Variants in PPARG observed in about 807,000 individuals in gnomAD.
The protein encoded by PPARG is peroxisome proliferator activated receptor gamma, also known as peroxisome proliferator-activated receptor gamma.
In PPARG, 17 loss-of-function variants were observed where a neutral mutation model predicts 39.2. That is an observed-to-expected ratio of 0.43 (90% CI 0.30 to 0.65). The LOEUF is 0.65. Among genes scored for constraint, PPARG ranks in the 30% least tolerant of loss-of-function variants. The pLI, the probability that PPARG is intolerant of heterozygous loss-of-function variation, is 0.13. For missense variants in PPARG, 406 were observed against 585.9 expected, an observed-to-expected ratio of 0.69 and a Z score of 3.17; for synonymous variants, 223 against 215.7, an observed-to-expected ratio of 1.03 and a Z score of -0.30.
intron 2 of PPARG, 144 bp from the exon 3 acceptor site, chr3:12,379,560 G>A: frequency 1.4e-6 from 1 of 724,826 alleles, no homozygotes; most frequent in Non-Finnish European, 2.4e-6. Context: ...GCACTAAGAA[G>A]GTGGTTATGT....
chr3:12,404,148 C>T (rs931480185), intron 5 of PPARG, among the ~76,000 whole-genome samples: 1 of 152,036 alleles, frequency 6.6e-6, no homozygotes, highest in Non-Finnish European at 1.5e-5. Context: ...TGACCAAAAC[C>T]TCCTAGTTTA....
At chr3:12,292,317 T>C (rs908343971) in intron 1 of PPARG, among the ~76,000 whole-genome samples, 4 of 152,202 alleles carry the variant, frequency 2.6e-5, no homozygotes, top group Non-Finnish European at 4.4e-5. Flanking sequence ...TGCGCTTTGA[T>C]TTGATAAAGC....
chr3:12,296,669 C>G (rs187389977), intron 1 of PPARG, among the ~76,000 whole-genome samples: 199 of 152,292 alleles, frequency 1.3e-3, no homozygotes, highest in African/African-American at 3.4e-3. Context: ...AAGCTTTTGT[C>G]AAGAGGCTAG....
At chr3:12,364,609 GTTT>G (rs1376333068) in intron 2 of PPARG, among the ~76,000 whole-genome samples, 5 of 152,184 alleles carry the variant, frequency 3.3e-5, no homozygotes, top group Admixed American at 3.3e-4. Flanking sequence ...AATATGTTTA[GTTT>G]TATAAGAAAT....
intron 1 of PPARG, among the ~76,000 whole-genome samples, chr3:12,306,987 A>G (rs2047085933): frequency 6.6e-6 from 1 of 151,158 alleles, no homozygotes; most frequent in African/African-American, 2.4e-5. Flanking sequence ...AGTCCCAGCC[A>G]TTAGGGAGGC....
At chr3:12,385,391 G>T (rs775367428) in intron 4 of PPARG, among the ~76,000 whole-genome samples, 5 of 152,168 alleles carry the variant, frequency 3.3e-5, no homozygotes, top group Non-Finnish European at 5.9e-5. Flanking sequence ...AGATGAGAAT[G>T]AGTAGATTGG....
intron 1 of PPARG, chr3:12,297,897 A>G (rs960139240): frequency 6.6e-6 from 1 of 152,164 alleles, no homozygotes; most frequent in African/African-American, 2.4e-5. Flanking sequence ...CTGCTGACAG[A>G]ATGTTGCACT....
chr3:12,403,859 G>A (rs1482164062), intron 5 of PPARG, among the ~76,000 whole-genome samples: 4 of 152,144 alleles, frequency 2.6e-5, no homozygotes, highest in Admixed American at 1.3e-4. Context: ...CAGTAGACAA[G>A]GACTTAATAT....
chr3:12,359,707 C>T (rs2048778324), intron 2 of PPARG, among the ~76,000 whole-genome samples: 1 of 139,052 alleles, frequency 7.2e-6, no homozygotes, highest in African/African-American at 2.8e-5. Context: ...CAGAGTCTCA[C>T]TCTGTCACCC....
intron 4 of PPARG, among the ~76,000 whole-genome samples, chr3:12,381,916 GTTTATTTA>G (rs796113249): frequency 6.6e-6 from 1 of 151,932 alleles, no homozygotes; most frequent in African/African-American, 2.4e-5. Flanking sequence ...TTCTCTAGTT[GTTTATTTA>G]TTTATTTATT....
At chr3:12,310,099 T>C (rs570627630) in intron 1 of PPARG, among the ~76,000 whole-genome samples, 57 of 152,260 alleles carry the variant, frequency 3.7e-4, no homozygotes, top group African/African-American at 1.3e-3. Flanking sequence ...CCTTCTAAGA[T>C]ACAGTGCAGT....
chr3:12,418,957 T>G (rs2051169392), intron 7 of PPARG, among the ~76,000 whole-genome samples: 1 of 152,196 alleles, frequency 6.6e-6, no homozygotes. Flanking sequence ...TGTTTTTTTG[T>G]TTTTGAGGCG....
At position 12,393,678 on chromosome 3, in the gene PPARG, C is replaced by G. The variant is rs139715580; in HGVS notation, c.529+926C>G. Among the ~76,000 whole-genome samples, 1,021 of 151,958 alleles carry G rather than the reference C, an allele frequency of 6.7e-3. 14 individuals are homozygous for G. Among genetic ancestry groups the G allele is most frequent in the Middle Eastern group, 0.065 (19 of 294 alleles). ...TTGAAGTTTCATTTCATCAGCTATC[C>G]TATTTTTTCTTTCTTTTGTTTTCAT... On this transcript the variant is annotated intron_variant, in intron 5 of 7. Transcript: ENST00000651735.
At chr3:12,423,401 T>C (rs578124728) in intron 7 of PPARG, among the ~76,000 whole-genome samples, 2 of 152,286 alleles carry the variant, frequency 1.3e-5, no homozygotes, top group African/African-American at 4.8e-5. Context: ...AGCACCGGGT[T>C]TGGGAGTATT....
chr3:12,367,490 T>C (rs1300188653), intron 2 of PPARG, among the ~76,000 whole-genome samples: 1 of 152,072 alleles, frequency 6.6e-6, no homozygotes, highest in East Asian at 1.9e-4. Context: ...TCCTGATACC[T>C]CAGGACCAGC....
At chr3:12,359,799 C>G (rs370181089) in intron 2 of PPARG, among the ~76,000 whole-genome samples, 1 of 151,574 alleles carries the variant, frequency 6.6e-6, no homozygotes, top group African/African-American at 2.4e-5. Context: ...CTCAGCCTCC[C>G]GAGTAACTGG....
intron 7 of PPARG, among the ~76,000 whole-genome samples, chr3:12,420,744 A>G (rs1425907619): frequency 2.0e-5 from 3 of 152,220 alleles, no homozygotes; most frequent in South Asian, 2.1e-4. Flanking sequence ...TGGAGTTGCT[A>G]CCTAAGATTG....
chr3:12,327,504 A>G (rs1247528833), intron 2 of PPARG, among the ~76,000 whole-genome samples: 1 of 152,142 alleles, frequency 6.6e-6, no homozygotes, highest in Non-Finnish European at 1.5e-5. Flanking sequence ...AAAACTAGAG[A>G]CATAGTCTAG....
At chr3:12,394,808 C>CT (rs1238687293) in intron 5 of PPARG, among the ~76,000 whole-genome samples, 4 of 152,190 alleles carry the variant, frequency 2.6e-5, no homozygotes, top group Non-Finnish European at 4.4e-5. Context: ...AGTTGAGTCA[C>CT]TATTTAAAAT....
Sources: gnomAD v4.1 joint callset for allele counts (sites outside exome capture counted in the v4.1 genomes callset) on GRCh38, gnomAD v4.1.1 for gene constraint, MANE v1.5 for transcripts, NCBI Gene and HGNC (gene_info 2026-07-23, HGNC 2026-07-21) for gene names.